ACAP2: variants seen among roughly 807,000 people sequenced by gnomAD.
ACAP2 encodes arf-GAP with coiled-coil, ANK repeat and PH domain-containing protein 2.
In ACAP2, 39 loss-of-function variants were observed where a neutral mutation model predicts 115.8. The ratio of observed to expected loss-of-function variants is 0.34; its 90% CI spans 0.26 to 0.44. ACAP2 has a LOEUF of 0.44. Among genes scored for constraint, ACAP2 ranks in the 20% least tolerant of loss-of-function variants. The pLI is 1.00. For synonymous variants in ACAP2, 289 were observed against 315.8 expected, an observed-to-expected ratio of 0.92 and a Z score of 0.90; for missense variants, 662 against 927.6, an observed-to-expected ratio of 0.71 and a Z score of 3.72.
chr3:195,376,449 A>G (rs1316372881), intron 4 of ACAP2, among the ~76,000 whole-genome samples: 1 of 152,112 alleles, frequency 6.6e-6, no homozygotes, highest in African/African-American at 2.4e-5. Context: ...CTCCTGAGGA[A>G]GGAGAACCAC....
intron 4 of ACAP2, among the ~76,000 whole-genome samples, chr3:195,371,153 T>C (rs1436207137): frequency 6.6e-6 from 1 of 152,186 alleles, no homozygotes; most frequent in East Asian, 1.9e-4. Context: ...TTCCTTGGGC[T>C]GTATGGCCAT....
chr3:195,426,986 C>T (rs535976305), intron 1 of ACAP2, among the ~76,000 whole-genome samples: 17 of 148,526 alleles, frequency 1.1e-4, no homozygotes, highest in East Asian at 6.1e-4. Context: ...CCCGCAAATA[C>T]GTTAGGTTAC....
chr3:195,429,812 T>C (rs1714971690), intron 1 of ACAP2, among the ~76,000 whole-genome samples: 1 of 152,216 alleles, frequency 6.6e-6, no homozygotes, highest in Non-Finnish European at 1.5e-5. Flanking sequence ...TGTTTTCTCC[T>C]AAGAGATTTA....
intron 1 of ACAP2, among the ~76,000 whole-genome samples, chr3:195,421,132 TTC>T (rs1375259537): frequency 6.6e-6 from 1 of 152,168 alleles, no homozygotes; most frequent in African/African-American, 2.4e-5. Flanking sequence ...AGCCTGATAA[TTC>T]TGAGACCTTT....
chr3:195,430,664 G>A (rs988114389), intron 1 of ACAP2, among the ~76,000 whole-genome samples: 23 of 152,050 alleles, frequency 1.5e-4, no homozygotes, highest in Non-Finnish European at 2.5e-4. Context: ...GCAGTGAGCC[G>A]AGATTGCACC....
Position 195,290,259 on chromosome 3 carries a change from C to G in ACAP2, c.2064-1028G>C, listed in dbSNP as rs547698396. On this transcript the variant is annotated intron_variant, in intron 20 of 22. Transcript: ENST00000326793. ...CAGGGCATGCCTGTAGTCCCAGCCA[C>G]TTGGGAAGCTGAGGCATGAAGATCC... is the stretch of plus-strand genomic sequence containing the variant. Among the ~76,000 whole-genome samples, 7 of 152,062 alleles carry G rather than the reference C, an allele frequency of 4.6e-5. No individual in the cohort carries two copies. The South Asian group carries it at 1.5e-3, about 32-fold the overall frequency.
At chr3:195,422,479 T>C (rs1012250968) in intron 1 of ACAP2, among the ~76,000 whole-genome samples, 3 of 152,066 alleles carry the variant, frequency 2.0e-5, no homozygotes, top group Non-Finnish European at 2.9e-5. Context: ...GAAAAGTCCA[T>C]TTTGTTTTCT....
intron 1 of ACAP2, 78 bp downstream of exon 1, chr3:195,442,717 G>C: frequency 6.9e-7 from 1 of 1,454,622 alleles, no homozygotes; most frequent in South Asian, 1.3e-5. Context: ...GCCTCCTCCG[G>C]GTGCGCGGGC....
intron 2 of ACAP2, among the ~76,000 whole-genome samples, chr3:195,385,836 T>C (rs1201981791): frequency 6.6e-6 from 1 of 152,172 alleles, no homozygotes; most frequent in African/African-American, 2.4e-5. Context: ...ATAATATAGA[T>C]GGTCAGACTT....
At chr3:195,330,873 T>C (rs1262494777) in intron 8 of ACAP2, among the ~76,000 whole-genome samples, 1 of 152,216 alleles carries the variant, frequency 6.6e-6, no homozygotes, top group Non-Finnish European at 1.5e-5. Flanking sequence ...TCTTTCATTC[T>C]CCTTTCCTTC....
At chr3:195,426,285 T>G (rs1714679568) in intron 1 of ACAP2, among the ~76,000 whole-genome samples, 1 of 152,166 alleles carries the variant, frequency 6.6e-6, no homozygotes, top group Non-Finnish European at 1.5e-5. Context: ...ATGACTCCAG[T>G]GGTCAAACCT....
In ACAP2 at chr3:195,279,352, G is replaced by C; in HGVS notation, c.2313C>G (p.Phe771Leu). The C allele has an allele frequency of 6.2e-7, 1 of 1,603,674 alleles. No individual in the cohort carries two copies. Among genetic ancestry groups the C allele is most frequent in the Non-Finnish European group, 8.5e-7 (1 of 1,176,696 alleles). ...TTCAGAATTTCTGTGAATCTTGCTG[G>C]AAACGATTTAGTTTCTCTGGATTAT... is the stretch of plus-strand genomic sequence containing the variant. ...ASNNPEKLNR[F>L]QQDSQKF The change falls in exon 23 of 23, where the codon TTC becomes TTG. Residue 771 changes from phenylalanine (F) to leucine (L), a missense_variant. Phe to Leu is a conservative substitution (Grantham distance 22). Around this residue, in one of 3 missense-constraint regions of ACAP2, gnomAD observed 128 missense variants for 200.2 expected, o/e 0.64. Transcript: ENST00000326793.
chr3:195,309,665 C>T (rs749676085), intron 10 of ACAP2, among the ~76,000 whole-genome samples: 4 of 151,874 alleles, frequency 2.6e-5, no homozygotes, highest in Non-Finnish European at 4.4e-5. Flanking sequence ...AAACAGAAAA[C>T]TAATCATGTC....
At chr3:195,289,284 G>C in intron 20 of ACAP2, 53 bp from the exon 21 acceptor site, 1 of 1,258,248 alleles carries the variant, frequency 7.9e-7, no homozygotes, top group Non-Finnish European at 1.1e-6. Context: ...AAAAAAATTA[G>C]TATTCACCTT....
chr3:195,313,528 T>C (rs927004994), intron 10 of ACAP2, among the ~76,000 whole-genome samples: 4 of 152,216 alleles, frequency 2.6e-5, no homozygotes, highest in African/African-American at 9.6e-5. Flanking sequence ...TTTCATGAAA[T>C]GGTTATCAGT....
intron 2 of ACAP2, among the ~76,000 whole-genome samples, chr3:195,384,756 GA>G (rs1734180477): frequency 6.6e-6 from 1 of 151,982 alleles, no homozygotes; most frequent in African/African-American, 2.4e-5. Context: ...AAGGGCGCAA[GA>G]GAAACTAGTT....
chr3:195,313,915 A>T (rs1322094707), intron 10 of ACAP2, among the ~76,000 whole-genome samples: 2 of 152,178 alleles, frequency 1.3e-5, no homozygotes, highest in African/African-American at 4.8e-5. Flanking sequence ...CCAACAAAGA[A>T]AGATTATTGT....
chr3:195,303,558 GC>G (rs1402666015), intron 13 of ACAP2, among the ~76,000 whole-genome samples: 5 of 151,886 alleles, frequency 3.3e-5, no homozygotes, highest in Non-Finnish European at 7.4e-5. Context: ...CCGTACTCCA[GC>G]CTGGGTGACA....
chr3:195,293,198 AAGC>A (rs1425964195), intron 18 of ACAP2, among the ~76,000 whole-genome samples: 1 of 152,178 alleles, frequency 6.6e-6, no homozygotes, highest in East Asian at 1.9e-4. Context: ...GGGACTTAAG[AAGC>A]AGCAAGAATC....
Sources: gnomAD v4.1 joint callset for allele counts (sites outside exome capture counted in the v4.1 genomes callset) on GRCh38, gnomAD v4.1.1 for gene constraint, gnomAD v4.1.1 regional missense constraint, MANE v1.5 for transcripts, NCBI Gene and HGNC (gene_info 2026-07-23, HGNC 2026-07-21) for gene names.